GINS4: variants seen among roughly 807,000 people sequenced by gnomAD.
GINS4 encodes the protein GINS complex subunit 4.
In GINS4, 20 loss-of-function variants were observed where a neutral mutation model predicts 31.1. The observed-to-expected ratio is 0.64, with a 90% confidence interval of 0.45 to 0.93. The LOEUF is 0.93. GINS4 is among the 40% of genes least tolerant of loss of function. The pLI is 0.00. For synonymous variants in GINS4, 85 were observed against 97.9 expected, an observed-to-expected ratio of 0.87 and a Z score of 0.78; for missense variants, 245 against 273.9, an observed-to-expected ratio of 0.89 and a Z score of 0.75.
At position 41,543,417 on chromosome 8, in the gene GINS4, T is replaced by C. The variant is rs1178362630; in HGVS notation, c.*1330T>C. 6.6e-6 allele frequency: 1 copy of C among 152,146 alleles called. No individual in the cohort carries two copies. The highest frequency in any genetic ancestry group is 6.5e-5 in the Admixed American group (1 of 15,272). 9.4% of individuals were successfully genotyped at this position (152,146 alleles called of 1,614,324 possible). A position where few individuals can be genotyped will look rare whatever the true frequency, so the allele number is the denominator to read the frequency against. ...ACGGAGTGACGTTAACCATCTTGTA[T>C]TGTGACCTGTGGCCGCTTTTCTGGT... On this transcript the variant is annotated 3_prime_UTR_variant, in exon 8 of 8. Coordinates refer to ENST00000276533, the MANE Select transcript of GINS4 (RefSeq NM_032336.3).
intron 2 of GINS4, among the ~76,000 whole-genome samples, chr8:41,535,127 C>T (rs916874182): frequency 1.6e-4 from 24 of 152,152 alleles, no homozygotes; most frequent in Admixed American, 1.4e-3. Flanking sequence ...CACTTGAGGT[C>T]AGGAGTTCAA....
In GINS4 at chr8:41,534,501, T is replaced by G. The variant is rs143463173; in HGVS notation, c.97-1859T>G. 3.2e-3 allele frequency: 585 copies of G among 183,158 alleles called. 4 individuals are homozygous for G. The highest frequency in any genetic ancestry group is 2.7e-3 in the Non-Finnish European group (227 of 84,782). 11.3% of individuals were successfully genotyped at this position (183,158 alleles called of 1,614,324 possible). ...TTTATATGAAAGTTTTATACTAATA[T>G]AAACTTCCACCTAATGTTTTATACT... On this transcript the variant is annotated intron_variant, in intron 2 of 7. Transcript: ENST00000276533.
In GINS4 at chr8:41,542,103, GC is replaced by G; in HGVS notation, c.*18del. ...GCTAATTTAAAACTAGGCATAAACAGCCAGGCATGGTGACTCAAGCCTGTAA... is the reference window on the plus strand; with the variant it reads ...GCTAATTTAAAACTAGGCATAAACAGCAGGCATGGTGACTCAAGCCTGTAA... On this transcript the variant is annotated 3_prime_UTR_variant, in exon 8 of 8. Transcript: ENST00000276533. 1.3e-6 allele frequency: 2 copies of G among 1,591,428 alleles called. No homozygotes were observed. The highest frequency in any genetic ancestry group is 1.7e-6 in the Non-Finnish European group (2 of 1,159,600).
At chr8:41,538,422 T>G (rs1806777819) in intron 4 of GINS4, among the ~76,000 whole-genome samples, 1 of 151,942 alleles carries the variant, frequency 6.6e-6, no homozygotes, top group Admixed American at 6.5e-5. Flanking sequence ...TTAGCATATT[T>G]ATCACATTAG....
At chr8:41,538,798 A>G (rs1203363252) in intron 4 of GINS4, among the ~76,000 whole-genome samples, 1 of 151,536 alleles carries the variant, frequency 6.6e-6, no homozygotes, top group African/African-American at 2.4e-5. Context: ...TTCGCCCCCC[A>G]GGTTGACGTG....
At position 41,537,276 on chromosome 8, in the gene GINS4, C is replaced by T. The variant is rs774765502; in HGVS notation, c.280C>T (p.Arg94Trp). ...CCGCTACGTCCTCAGCAGCTACTTG[C>T]GGTGTCGCCTCATGAAGGTTTGACG... is the stretch of plus-strand genomic sequence containing the variant. Reference protein sequence around the residue: ...RIRYVLSSYLRCRLMKIEKFF... With the variant: ...RIRYVLSSYLWCRLMKIEKFF... The change falls in exon 4 of 8, where the codon CGG becomes TGG. Residue 94 changes from arginine to tryptophan, a missense_variant. Transcript: ENST00000276533. The T allele has an allele frequency of 2.8e-5, 45 of 1,611,764 alleles. No homozygotes were observed. Among genetic ancestry groups the T allele is most frequent in the Non-Finnish European group, 3.5e-5 (41 of 1,178,334 alleles).
chr8:41,537,144 C>A, intron 3 of GINS4, 36 bp from the exon 4 acceptor site: 1 of 1,409,918 alleles, frequency 7.1e-7, no homozygotes, highest in Admixed American at 1.7e-5. Context: ...GGTTGAACAT[C>A]ATGTTTTTTA....
intron 4 of GINS4, 104 bp downstream of exon 4, chr8:41,537,397 TG>T: frequency 1.4e-6 from 1 of 729,154 alleles, no homozygotes; most frequent in South Asian, 1.7e-5. Flanking sequence ...GTCCAGGACC[TG>T]AAGATGCTGC....
rs1806891474 is a variant in GINS4 at position 41,544,038 on chromosome 8, TGA to T, written c.*1952_*1953del. 1 of 152,226 alleles carries T rather than the reference TGA, an allele frequency of 6.6e-6. No individual in the cohort carries two copies. Among genetic ancestry groups the T allele is most frequent in the South Asian group, 2.1e-4 (1 of 4,822 alleles). 9.4% of individuals were successfully genotyped at this position (152,226 alleles called of 1,614,324 possible). ...GGTTTTATTTCTTGACAAAGGTATT[TGA>T]TACTCGTGCAGTCCCTGGAGGGTCT... On this transcript the variant is annotated 3_prime_UTR_variant, in exon 8 of 8. Coordinates refer to ENST00000276533, the MANE Select transcript of GINS4 (RefSeq NM_032336.3).
In GINS4 at chr8:41,534,316, A is replaced by G. The variant is rs1216984011; in HGVS notation, c.97-2044A>G. On this transcript the variant is annotated intron_variant, in intron 2 of 7. Coordinates refer to ENST00000276533, the MANE Select transcript of GINS4 (RefSeq NM_032336.3). ...CAGCTACTCTGGAGGCTGAGGCAGGAGGATCACTTAAGCCTTGGAGGTCAA... is the reference window on the plus strand; with the variant it reads ...CAGCTACTCTGGAGGCTGAGGCAGGGGGATCACTTAAGCCTTGGAGGTCAA... 2 of 382,230 alleles carry G rather than the reference A, an allele frequency of 5.2e-6. 1 individual carries two copies. Among genetic ancestry groups the G allele is most frequent in the Middle Eastern group, 7.3e-4 (2 of 2,748 alleles). The allele number at this position is 382,230 out of a possible 1,614,324, so 23.7% of individuals were successfully genotyped here.
In GINS4 at chr8:41,542,376, T is replaced by C; in HGVS notation, c.*289T>C. On this transcript the variant is annotated 3_prime_UTR_variant, in exon 8 of 8. Transcript: ENST00000276533. ...TCCAGCCTGGGTGACAGTGAGACTT[T>C]GTCTCAAAAAAAAAAACAAAAAACA... The C allele has an allele frequency of 2.7e-6, 1 of 370,342 alleles. No individual in the cohort carries two copies. The highest frequency in any genetic ancestry group is 4.9e-6 in the Non-Finnish European group (1 of 204,552). 22.9% of individuals were successfully genotyped at this position (370,342 alleles called of 1,614,324 possible).
intron 4 of GINS4, chr8:41,537,787 T>TG: frequency 6.6e-6 from 1 of 152,432 alleles, no homozygotes; most frequent in South Asian, 2.1e-4. Flanking sequence ...TTTGGGAGGC[T>TG]AGGCGGGTGG....
Position 41,530,223 on chromosome 8 carries a change from C to T in GINS4, c.21C>T (p.Phe7=). Residue 7 remains phenylalanine, a synonymous_variant, in exon 2 of 8, where the codon TTC becomes TTT. Coordinates refer to ENST00000276533, the MANE Select transcript of GINS4 (RefSeq NM_032336.3). ...AGAAGATGACCGAAGAAGTGGATTT[C>T]CTGGGACAGGACTCTGATGGGGGTA... MTEEVD[F]LGQDSDGGSE... is the part of the protein sequence containing the mutation. 6.2e-7 allele frequency: 1 copy of T among 1,613,788 alleles called. No individual in the cohort carries two copies. The highest frequency in any genetic ancestry group is 1.1e-5 in the South Asian group (1 of 91,070).
intron 6 of GINS4, 111 bp from the exon 7 acceptor site, chr8:41,541,698 C>T (rs1806843766): frequency 2.6e-6 from 2 of 764,924 alleles, no homozygotes; most frequent in East Asian, 2.5e-5. Context: ...TAGGAATGGG[C>T]TGGGCTCCTA....
intron 4 of GINS4, 65 bp downstream of exon 4, chr8:41,537,358 G>C: frequency 8.1e-7 from 1 of 1,241,628 alleles, no homozygotes; most frequent in Admixed American, 1.9e-5. Context: ...TGAATGTCCT[G>C]GGGAAAACTT....
Position 41,542,419 on chromosome 8 carries a change from G to T in GINS4, c.*332G>T. On this transcript the variant is annotated 3_prime_UTR_variant, in exon 8 of 8. Transcript: ENST00000276533. ...AAAAAACAAAAAAAAAACAAACTAG[G>T]CATAAACTCATGAGGTCAGGAGATC... 1 of 331,376 alleles carries T rather than the reference G, an allele frequency of 3.0e-6. No homozygotes were observed. The highest frequency in any genetic ancestry group is 6.9e-5 in the East Asian group (1 of 14,564). 20.5% of individuals were successfully genotyped at this position (331,376 alleles called of 1,614,324 possible).
chr8:41,540,297 T>A, intron 6 of GINS4: 1 of 447,126 alleles, frequency 2.2e-6, no homozygotes, highest in Non-Finnish European at 4.1e-6. Flanking sequence ...GCTGAGCCTC[T>A]GTGAGGTGCT....
intron 4 of GINS4, 95 bp downstream of exon 4, chr8:41,537,388 TCCAGGA>T: frequency 1.2e-6 from 1 of 817,302 alleles, no homozygotes; most frequent in South Asian, 1.5e-5. Context: ...CCCAGGAGGG[TCCAGGA>T]CCTGAAGATG....
chr8:41,537,159 C>A (rs1806752741), intron 3 of GINS4, 21 bp from the exon 4 acceptor site: 6 of 1,513,910 alleles, frequency 4.0e-6, no homozygotes, highest in East Asian at 2.3e-5. Flanking sequence ...TTTTTATAAA[C>A]CTTAATTTCT....
Sources: allele counts gnomAD v4.1 joint callset (sites outside exome capture counted in the v4.1 genomes callset), GRCh38; gene constraint gnomAD v4.1.1; transcripts MANE v1.5; gene names NCBI Gene and HGNC (gene_info 2026-07-23, HGNC 2026-07-21).